The following KIF16B variants were observed in gnomAD, a reference collection of about 807,000 sequenced individuals.
The protein encoded by KIF16B is kinesin-like protein KIF16B.
A neutral mutation model predicts 156.3 loss-of-function variants in KIF16B; 98 were observed. The observed-to-expected ratio is 0.63, with a 90% CI of 0.53 to 0.74. The LOEUF is 0.74. Among genes scored for constraint, KIF16B ranks in the 30% least tolerant of loss-of-function variants. The pLI is 0.00. For synonymous variants in KIF16B, 564 were observed against 583.7 expected (o/e 0.97, Z 0.49); for missense variants, 1,421 against 1,606.5 (o/e 0.88, Z 1.97).
At chr20:16,289,710 G>A (rs574813530) in intron 25 of KIF16B, among the ~76,000 whole-genome samples, 5 of 152,192 alleles carry the variant, frequency 3.3e-5, no homozygotes, top group South Asian at 2.1e-4. Flanking sequence ...GCGCAGTGGC[G>A]GGCGCCTGTA....
At chr20:16,557,922 GT>G (rs2070910918) in intron 1 of KIF16B, among the ~76,000 whole-genome samples, 1 of 152,168 alleles carries the variant, frequency 6.6e-6, no homozygotes, top group Admixed American at 6.5e-5. Context: ...GACAGAAATG[GT>G]CCCAGTGCTC....
In KIF16B at chr20:16,507,645, T is replaced by C. The variant is rs192787966; in HGVS notation, c.699+313A>G. 6.4e-3 allele frequency among the ~76,000 whole-genome samples: 967 copies of C among 152,250 alleles called. 4 individuals carry two copies. The highest frequency in any genetic ancestry group is 0.011 in the Non-Finnish European group (720 of 68,018). Reference sequence around the variant, plus strand: ...CTGGTCTGACTCGCAATCCATTATATCCCACAGAGTTTGCAACAATGAAAA... The same window carrying C: ...CTGGTCTGACTCGCAATCCATTATACCCCACAGAGTTTGCAACAATGAAAA... On this transcript the variant is annotated intron_variant, in intron 7 of 25. Coordinates refer to ENST00000354981, the MANE Select transcript of KIF16B (RefSeq NM_024704.5).
chr20:16,418,415 T>C (rs1015287152), intron 15 of KIF16B, among the ~76,000 whole-genome samples: 2 of 152,088 alleles, frequency 1.3e-5, no homozygotes, highest in African/African-American at 4.8e-5. Context: ...AGGTAGGACA[T>C]GCTTTCTTAT....
intron 1 of KIF16B, among the ~76,000 whole-genome samples, chr20:16,563,120 T>C (rs1018838945): frequency 6.6e-6 from 1 of 152,220 alleles, no homozygotes; most frequent in Admixed American, 6.5e-5. Context: ...CTATTTCCTA[T>C]CTCATGGACA....
chr20:16,524,482 T>C (rs1457938537), intron 3 of KIF16B, among the ~76,000 whole-genome samples: 1 of 152,130 alleles, frequency 6.6e-6, no homozygotes, highest in African/African-American at 2.4e-5. Context: ...TGAGATACCA[T>C]CTCACGCCAG....
chr20:16,364,668 G>A (rs892992620), intron 22 of KIF16B, among the ~76,000 whole-genome samples: 3 of 152,214 alleles, frequency 2.0e-5, no homozygotes, highest in African/African-American at 7.2e-5. Context: ...ACTTCACAGA[G>A]AGTAAATCAA....
intron 1 of KIF16B, among the ~76,000 whole-genome samples, chr20:16,536,685 CTT>C (rs1245866679): frequency 1.3e-5 from 2 of 152,122 alleles, no homozygotes; most frequent in African/African-American, 4.8e-5. Context: ...GCAACTAATT[CTT>C]TGTTACATGT....
intron 25 of KIF16B, among the ~76,000 whole-genome samples, chr20:16,295,877 C>T (rs988618310): frequency 6.6e-6 from 1 of 152,162 alleles, no homozygotes; most frequent in East Asian, 1.9e-4. Flanking sequence ...AAAATGGTCA[C>T]GAATTTCAAA....
At chr20:16,349,712 C>A (rs1016674369) in intron 23 of KIF16B, among the ~76,000 whole-genome samples, 2 of 152,244 alleles carry the variant, frequency 1.3e-5, no homozygotes, top group Non-Finnish European at 2.9e-5. Context: ...CCTGGCCCCA[C>A]GGTGCCTGCC....
chr20:16,438,586 C>T (rs2066710500), intron 12 of KIF16B, among the ~76,000 whole-genome samples: 1 of 152,196 alleles, frequency 6.6e-6, no homozygotes, highest in African/African-American at 2.4e-5. Context: ...CTATTTTCCA[C>T]ATAGGAAGAA....
chr20:16,401,570 T>G (rs1045483888), intron 17 of KIF16B, among the ~76,000 whole-genome samples: 2 of 152,242 alleles, frequency 1.3e-5, no homozygotes, highest in Admixed American at 6.5e-5. Flanking sequence ...AAGCATGTTA[T>G]GTGAATGACA....
chr20:16,456,592 T>A (rs1203427807), intron 12 of KIF16B, among the ~76,000 whole-genome samples: 1 of 152,074 alleles, frequency 6.6e-6, no homozygotes, highest in Non-Finnish European at 1.5e-5. Context: ...ATCGCTAACA[T>A]CATAAAGGCT....
intron 23 of KIF16B, among the ~76,000 whole-genome samples, chr20:16,354,505 C>T (rs1045059403): frequency 6.7e-6 from 1 of 149,532 alleles, no homozygotes; most frequent in African/African-American, 2.6e-5. Flanking sequence ...CACACACACA[C>T]ACACACAATT....
Position 16,450,709 on chromosome 20 carries a change from T to C in KIF16B, c.1303-20727A>G, listed in dbSNP as rs146046098. ...GGTTTGGAACCACAGCACCTCACAG[T>C]ACCTGGTGTATGGTACACTCAACAT... On this transcript the variant is annotated intron_variant, in intron 12 of 25. Transcript: ENST00000354981. Among the ~76,000 whole-genome samples, 151 of 152,292 alleles carry C rather than the reference T, an allele frequency of 9.9e-4. 1 individual carries two copies. The highest frequency in any genetic ancestry group is 3.4e-3 in the African/African-American group (141 of 41,574).
Position 16,533,411 on chromosome 20 carries a change from C to G in KIF16B, c.48-4971G>C, listed in dbSNP as rs73901108. ...TGCATTTTAACAACTGTAAATGATT[C>G]TGATGAACGTTAAAATTTAAAAAGC... is the stretch of plus-strand genomic sequence containing the variant. On this transcript the variant is annotated intron_variant, in intron 1 of 25. Coordinates refer to ENST00000354981, the MANE Select transcript of KIF16B (RefSeq NM_024704.5). Among the ~76,000 whole-genome samples the G allele has an allele frequency of 9.7e-3, 1,471 of 152,270 alleles. 33 individuals are homozygous for G. Among genetic ancestry groups the G allele is most frequent in the African/African-American group, 0.034 (1,402 of 41,558 alleles).
At chr20:16,387,980 G>A (rs945676465) in intron 17 of KIF16B, among the ~76,000 whole-genome samples, 1 of 152,190 alleles carries the variant, frequency 6.6e-6, no homozygotes, top group Non-Finnish European at 1.5e-5. Context: ...TCAGAAATCA[G>A]AGAGAGATTC....
intron 23 of KIF16B, among the ~76,000 whole-genome samples, 175 bp downstream of exon 23, chr20:16,356,155 T>G (rs1291038699): frequency 6.6e-6 from 1 of 152,212 alleles, no homozygotes; most frequent in East Asian, 1.9e-4. Context: ...GGTACCTTCC[T>G]TCCATGTGTT....
rs750043901 is a variant in KIF16B, at chr20:16,504,321, T to C, written c.1176+51A>G. The C allele has an allele frequency of 2.6e-6, 4 of 1,554,170 alleles. No individual in the cohort carries two copies. In the African/African-American group the frequency reaches 5.5e-5, roughly 21 times the overall value. On this transcript the variant is annotated intron_variant, in intron 10 of 25. Coordinates refer to ENST00000354981, the MANE Select transcript of KIF16B (RefSeq NM_024704.5). The stretch of plus-strand genomic sequence containing the variant: ...AAATTGTCTCATTAAGATCTAGAAA[T>C]AGATGCCATTACTCAAAGAAAATTA...
At chr20:16,409,986 T>TATATGTAGGTACATAC (rs2065888237) in intron 15 of KIF16B, among the ~76,000 whole-genome samples, 1 of 124,548 alleles carries the variant, frequency 8.0e-6, no homozygotes, top group African/African-American at 3.1e-5. Flanking sequence ...TATATATATA[T>TATATGTAGGTACATAC]ATATATGTAG....
Sources: gnomAD v4.1 joint callset for allele counts (sites outside exome capture counted in the v4.1 genomes callset) on GRCh38, gnomAD v4.1.1 for gene constraint, MANE v1.5 for transcripts, NCBI Gene and HGNC (gene_info 2026-07-23, HGNC 2026-07-21) for gene names.